The following CACNB4 variants were observed in gnomAD, a reference collection of about 807,000 sequenced individuals.
CACNB4 encodes the protein voltage-dependent L-type calcium channel subunit beta-4.
CACNB4 carries 32 observed loss-of-function variants against 71.2 expected under a neutral mutation model. That is an observed-to-expected ratio of 0.45 (90% CI 0.34 to 0.60). CACNB4 has a LOEUF of 0.60. Ranked by LOEUF, CACNB4 falls within the 20% of genes least tolerant of loss-of-function variation. The probability of loss-of-function intolerance (pLI) is 0.01; values close to 1 mark genes in which losing one functional copy is unlikely to be tolerated. For missense variants in CACNB4, 464 were observed against 647.9 expected (o/e 0.72, Z 3.08); for synonymous variants, 231 against 236.9 (o/e 0.97, Z 0.23).
chr2:151,842,180 A>C, intron 12 of CACNB4, 92 bp from the exon 13 acceptor site: 1 of 1,048,472 alleles, frequency 9.5e-7, no homozygotes, highest in Admixed American at 2.0e-5. Context: ...TAGCATTTTT[A>C]ATAGCTATTA....
intron 2 of CACNB4, among the ~76,000 whole-genome samples, chr2:151,979,338 T>C (rs2099874333): frequency 6.6e-6 from 1 of 151,860 alleles, no homozygotes; most frequent in Non-Finnish European, 1.5e-5. Flanking sequence ...TCATAATTCA[T>C]AAGAGAGTGA....
intron 2 of CACNB4, among the ~76,000 whole-genome samples, chr2:152,044,705 T>C (rs533063969): frequency 6.6e-6 from 1 of 152,286 alleles, no homozygotes; most frequent in East Asian, 1.9e-4. Flanking sequence ...ACACCCTTTG[T>C]TTGGGTCATT....
chr2:152,043,182 G>A (rs1382145469), intron 2 of CACNB4, among the ~76,000 whole-genome samples: 1 of 152,188 alleles, frequency 6.6e-6, no homozygotes, highest in African/African-American at 2.4e-5. Flanking sequence ...ATAAGCAGCT[G>A]AGCAGCCCGT....
intron 2 of CACNB4, among the ~76,000 whole-genome samples, chr2:152,083,305 G>A (rs1236201892): frequency 6.6e-6 from 1 of 151,550 alleles, no homozygotes; most frequent in African/African-American, 2.4e-5. Context: ...AGCCCCATTA[G>A]CTGCAAAAAG....
rs3068823 is a variant in CACNB4 at position 151,957,257 on chromosome 2, C to CGTGTATGTGTATGTGT, written c.148-73888_148-73887insACACATACACATACAC. Among the ~76,000 whole-genome samples the CGTGTATGTGTATGTGT allele has an allele frequency of 2.4e-3, 312 of 131,856 alleles. 3 individuals carry two copies. Among genetic ancestry groups the CGTGTATGTGTATGTGT allele is most frequent in the Admixed American group, 7.3e-3 (94 of 12,838 alleles). 86.5% of individuals were successfully genotyped at this position (131,856 alleles called of 152,430 possible). A position where few individuals can be genotyped will look rare whatever the true frequency, so the allele number is the denominator to read the frequency against. ...AGAAAAAAAAAGTAGAGTGGCTGGGCGTGTGTGTGTGTGTGTGTGTGTGTG... is the reference window on the plus strand; with the variant it reads ...AGAAAAAAAAAGTAGAGTGGCTGGGCGTGTATGTGTATGTGTGTGTGTGTGTGTGTGTGTGTGTGTG... On this transcript the variant is annotated intron_variant, in intron 2 of 13. Coordinates refer to ENST00000539935, the MANE Select transcript of CACNB4 (RefSeq NM_000726.5).
At chr2:152,039,415 C>CAAA (rs34058095) in intron 2 of CACNB4, among the ~76,000 whole-genome samples, 2 of 137,568 alleles carry the variant, frequency 1.5e-5, no homozygotes, top group African/African-American at 2.7e-5. Flanking sequence ...GACTCTGTCT[C>CAAA]AAAAAAAAAA....
intron 2 of CACNB4, among the ~76,000 whole-genome samples, chr2:151,963,805 C>T (rs1363225746): frequency 3.3e-5 from 5 of 152,064 alleles, no homozygotes; most frequent in Admixed American, 6.5e-5. Flanking sequence ...CGGTGGTTTA[C>T]GCCTGTAATC....
chr2:152,081,247 A>T (rs1418546982), intron 2 of CACNB4, among the ~76,000 whole-genome samples: 1 of 152,214 alleles, frequency 6.6e-6, no homozygotes, highest in Non-Finnish European at 1.5e-5. Flanking sequence ...GCACCAGCTT[A>T]CCAAGTGAAT....
intron 2 of CACNB4, among the ~76,000 whole-genome samples, chr2:152,031,190 T>TAATA (rs1684264187): frequency 1.3e-5 from 2 of 152,190 alleles, no homozygotes; most frequent in African/African-American, 4.8e-5. Context: ...TTTTAGCACC[T>TAATA]AATATTGTAC....
At chr2:151,875,535 G>C (rs1202308636) in intron 5 of CACNB4, among the ~76,000 whole-genome samples, 19 of 151,602 alleles carry the variant, frequency 1.3e-4, no homozygotes, top group Admixed American at 1.1e-3. Flanking sequence ...GGTGGTGGCC[G>C]GGCAGAGGGG....
rs1491193735 is a variant in CACNB4 at position 152,035,629 on chromosome 2, C to CT, written c.147+62700_147+62701insA. 7.0e-3 allele frequency among the ~76,000 whole-genome samples: 583 copies of CT among 82,914 alleles called. 9 individuals are homozygous for CT. Among genetic ancestry groups the CT allele is most frequent in the African/African-American group, 0.026 (464 of 17,818 alleles). 54.4% of individuals were successfully genotyped at this position (82,914 alleles called of 152,430 possible). On this transcript the variant is annotated intron_variant, in intron 2 of 13. Coordinates refer to ENST00000539935, the MANE Select transcript of CACNB4 (RefSeq NM_000726.5). The stretch of plus-strand genomic sequence containing the variant: ...TCTCTCTCTCTCTCTCCCTCCCTCT[C>CT]CCTCTCTCTCTCTCTCTCTCTCTAT...
At chr2:152,067,027 G>A (rs1426995956) in intron 2 of CACNB4, among the ~76,000 whole-genome samples, 1 of 147,160 alleles carries the variant, frequency 6.8e-6, no homozygotes, top group Non-Finnish European at 1.5e-5. Context: ...ATAGCACTGG[G>A]AGATATACCT....
chr2:151,836,935 A>C lies in CACNB4; in HGVS notation c.*2184T>G, dbSNP rs1291035499. On this transcript the variant is annotated 3_prime_UTR_variant, in exon 14 of 14. Transcript: ENST00000539935. The stretch of plus-strand genomic sequence containing the variant: ...ACACCTTGGTGCACTCTTTGCAATT[A>C]AATACTTTAATGCGCATAAACAAGA... The C allele has an allele frequency of 1.3e-5, 2 of 151,998 alleles. No homozygotes were observed. The highest frequency in any genetic ancestry group is 2.9e-5 in the Non-Finnish European group (2 of 67,860). The allele number at this position is 151,998 out of a possible 1,614,324, so 9.4% of individuals were successfully genotyped here.
chr2:151,904,997 C>A (rs193267529), intron 2 of CACNB4, among the ~76,000 whole-genome samples: 1 of 152,116 alleles, frequency 6.6e-6, no homozygotes, highest in South Asian at 2.1e-4. Context: ...AAAAGAAGAA[C>A]TAGAATGCTA....
In CACNB4 at chr2:151,839,186, G is replaced by C. The variant is rs770682557; in HGVS notation, c.1496C>G (p.Thr499Ser). 5.6e-6 allele frequency: 9 copies of C among 1,613,432 alleles called. No individual in the cohort carries two copies. Among genetic ancestry groups the C allele is most frequent in the Non-Finnish European group, 7.6e-6 (9 of 1,179,534 alleles). The change falls in exon 14 of 14, where the codon ACT becomes AGT. Residue 499 changes from threonine (T) to serine (S), a missense_variant. Coordinates refer to ENST00000539935, the MANE Select transcript of CACNB4 (RefSeq NM_000726.5). The stretch of plus-strand genomic sequence containing the variant: ...TCCTCGGTTCCTATGGGGTTTGTAA[G>C]TGTCCTGGTATGAGTCAGGGTAATC... ...EEDYPDSYQD[T>S]YKPHRNRGSP...
At chr2:151,937,184 C>T (rs2099863127) in intron 2 of CACNB4, among the ~76,000 whole-genome samples, 1 of 152,214 alleles carries the variant, frequency 6.6e-6, no homozygotes, top group Non-Finnish European at 1.5e-5. Context: ...CCTATCCGAG[C>T]AGGCCTTGTA....
chr2:152,044,074 T>C (rs1268560633), intron 2 of CACNB4, among the ~76,000 whole-genome samples: 1 of 151,852 alleles, frequency 6.6e-6, no homozygotes, highest in Admixed American at 6.6e-5. Flanking sequence ...CAAAAACCAA[T>C]AGAATTACAA....
intron 13 of CACNB4, among the ~76,000 whole-genome samples, chr2:151,840,475 T>G (rs1279335590): frequency 6.6e-6 from 1 of 152,248 alleles, no homozygotes; most frequent in East Asian, 1.9e-4. Flanking sequence ...AGAAGTGTAT[T>G]GCTTCATGCA....
intron 2 of CACNB4, chr2:151,968,384 T>C (rs1294253734): frequency 6.6e-6 from 1 of 152,240 alleles, no homozygotes; most frequent in African/African-American, 2.4e-5. Context: ...GTACAATTTT[T>C]AACTTAATGT....
Sources: allele counts gnomAD v4.1 joint callset (sites outside exome capture counted in the v4.1 genomes callset), GRCh38; gene constraint gnomAD v4.1.1; transcripts MANE v1.5; gene names NCBI Gene and HGNC (gene_info 2026-07-23, HGNC 2026-07-21).